The following TUT4 variants were observed in gnomAD, a reference collection of about 807,000 sequenced individuals.
The protein encoded by TUT4 is terminal uridylyl transferase 4.
A neutral mutation model predicts 192.2 loss-of-function variants in TUT4; 36 were observed. That is an observed-to-expected ratio of 0.19 (90% CI 0.14 to 0.25). TUT4 has a LOEUF of 0.25. Ranked by LOEUF, TUT4 falls within the 10% of genes least tolerant of loss-of-function variation. The probability of loss-of-function intolerance (pLI) is 1.00; values close to 1 mark genes in which losing one functional copy is unlikely to be tolerated. For synonymous variants in TUT4, 618 were observed against 666.0 expected, an observed-to-expected ratio of 0.93 and a Z score of 1.11; for missense variants, 1,493 against 1,957.2, an observed-to-expected ratio of 0.76 and a Z score of 4.47.
At chr1:52,453,116 G>T (rs575072722) in intron 20 of TUT4, among the ~76,000 whole-genome samples, 2 of 152,244 alleles carry the variant, frequency 1.3e-5, no homozygotes, top group East Asian at 3.9e-4. Context: ...TGGGCGTGGG[G>T]GCTCAGGCCT....
At chr1:52,499,669 G>C (rs1480658402) in intron 4 of TUT4, among the ~76,000 whole-genome samples, 1 of 152,108 alleles carries the variant, frequency 6.6e-6, no homozygotes, top group African/African-American at 2.4e-5. Context: ...CGGAGGTGGA[G>C]GTTGCAGTGA....
intron 4 of TUT4, 100 bp downstream of exon 4, chr1:52,509,496 A>C (rs1250721657): frequency 2.6e-6 from 2 of 760,064 alleles, no homozygotes; most frequent in African/African-American, 3.6e-5. Context: ...CCAATATAAG[A>C]TTGGACAAAT....
intron 16 of TUT4, chr1:52,463,018 T>C (rs970287445): frequency 8.1e-6 from 8 of 985,070 alleles, no homozygotes; most frequent in East Asian, 1.1e-4. Context: ...AATTCACATA[T>C]GATAAAATTA....
chr1:52,454,207 T>C (rs912887042), intron 20 of TUT4, among the ~76,000 whole-genome samples: 1 of 152,166 alleles, frequency 6.6e-6, no homozygotes, highest in African/African-American at 2.4e-5. Flanking sequence ...AGTCATTTTG[T>C]GGATATAGAC....
chr1:52,477,604 A>G, intron 12 of TUT4, 104 bp downstream of exon 12: 2 of 1,051,964 alleles, frequency 1.9e-6, no homozygotes, highest in South Asian at 3.7e-5. Flanking sequence ...ATCTAGTGAC[A>G]TATATATATA....
rs761357825 is a variant in TUT4 at position 52,515,933 on chromosome 1, T to C, written c.840A>G (p.Ala280=). The C allele has an allele frequency of 6.2e-7, 1 of 1,613,672 alleles. No individual in the cohort carries two copies. The highest frequency in any genetic ancestry group is 8.5e-7 in the Non-Finnish European group (1 of 1,179,904). The part of the protein sequence containing the change: ...TPEQRLGLKQ[A]EERLERDHIF... ...TGTGATCTCTTTCTAAGCGTTCTTCTGCTTGTTTCAACCCCAGCCTCTGCT... is the reference window on the plus strand; with the variant it reads ...TGTGATCTCTTTCTAAGCGTTCTTCCGCTTGTTTCAACCCCAGCCTCTGCT... The change falls in exon 3 of 30, where the codon GCA becomes GCG. Residue 280 remains alanine, a synonymous_variant. Transcript: ENST00000257177.
intron 3 of TUT4, among the ~76,000 whole-genome samples, chr1:52,514,007 A>G (rs549941413): frequency 1.3e-5 from 2 of 152,346 alleles, no homozygotes; most frequent in Admixed American, 6.5e-5. Flanking sequence ...TTATTTTACC[A>G]GGTAGGTCAA....
chr1:52,537,617 A>G (rs1558002173), intron 1 of TUT4, among the ~76,000 whole-genome samples: 2 of 152,188 alleles, frequency 1.3e-5, no homozygotes, highest in Non-Finnish European at 2.9e-5. Flanking sequence ...GTAACACTAT[A>G]AACTAATTTG....
At chr1:52,500,485 A>G (rs12040247) in intron 4 of TUT4, among the ~76,000 whole-genome samples, 52,678 of 152,022 alleles carry the variant, frequency 0.35, 12,526 homozygotes, top group African/African-American at 0.69. Flanking sequence ...AAATTAGGCC[A>G]GGCACGGTGG....
chr1:52,501,085 A>G (rs1169008689), intron 4 of TUT4, among the ~76,000 whole-genome samples: 2 of 152,256 alleles, frequency 1.3e-5, no homozygotes, highest in African/African-American at 4.8e-5. Context: ...GACATAGGCA[A>G]CAAAAGTAAA....
At chr1:52,487,463 GT>G (rs1431004995) in intron 9 of TUT4, among the ~76,000 whole-genome samples, 1 of 151,510 alleles carries the variant, frequency 6.6e-6, no homozygotes, top group East Asian at 1.9e-4. Flanking sequence ...AAAAAACTTA[GT>G]AAAAAAAACC....
chr1:52,522,700 C>T (rs987606634), intron 2 of TUT4, among the ~76,000 whole-genome samples: 1 of 151,880 alleles, frequency 6.6e-6, no homozygotes, highest in Non-Finnish European at 1.5e-5. Context: ...CTGAGGCAGG[C>T]GGATCACCTG....
rs114676946 is a variant in TUT4 at position 52,476,791 on chromosome 1, T to C, written c.2023+917A>G. The stretch of plus-strand genomic sequence containing the variant: ...GAATATTTCTGGGTTGAACTCACAG[T>C]AGAGAAGGCCAGCAGGTGTGAGGGA... On this transcript the variant is annotated intron_variant, in intron 12 of 29. Coordinates refer to ENST00000257177, the MANE Select transcript of TUT4 (RefSeq NM_001009881.3). 7.4e-3 allele frequency among the ~76,000 whole-genome samples: 1,122 copies of C among 152,320 alleles called. 16 individuals carry two copies. Among genetic ancestry groups the C allele is most frequent in the African/African-American group, 0.026 (1,081 of 41,564 alleles).
intron 2 of TUT4, among the ~76,000 whole-genome samples, chr1:52,520,912 C>T (rs1363284097): frequency 6.6e-6 from 1 of 152,040 alleles, no homozygotes; most frequent in African/African-American, 2.4e-5. Flanking sequence ...CCTGCCTCAG[C>T]CTCCCGAGTA....
intron 1 of TUT4, among the ~76,000 whole-genome samples, chr1:52,543,676 G>A (rs1347276312): frequency 6.6e-6 from 1 of 151,724 alleles, no homozygotes; most frequent in African/African-American, 2.4e-5. Flanking sequence ...TAGGGACAGG[G>A]TTTCACCATG....
At chr1:52,495,318 C>T (rs924252139) in intron 6 of TUT4, 109 bp downstream of exon 6, 6 of 594,986 alleles carry the variant, frequency 1.0e-5, no homozygotes, top group Non-Finnish European at 1.7e-5. Flanking sequence ...GATGGTAACA[C>T]TATACAAACC....
At chr1:52,499,961 T>C (rs1388585000) in intron 4 of TUT4, among the ~76,000 whole-genome samples, 12 of 147,506 alleles carry the variant, frequency 8.1e-5, no homozygotes, top group East Asian at 5.9e-4. Context: ...CACACACACA[T>C]ATATATATAA....
chr1:52,520,492 T>C (rs1313819913), intron 2 of TUT4, among the ~76,000 whole-genome samples: 1 of 152,194 alleles, frequency 6.6e-6, no homozygotes, highest in Non-Finnish European at 1.5e-5. Flanking sequence ...TTATCAGGCC[T>C]TATCCTAGGC....
At chr1:52,494,845 T>C (rs1672069040) in intron 6 of TUT4, among the ~76,000 whole-genome samples, 1 of 152,110 alleles carries the variant, frequency 6.6e-6, no homozygotes, top group Non-Finnish European at 1.5e-5. Context: ...TTTTAAAAGA[T>C]TGATATGTCA....
Sources: gnomAD v4.1 joint callset for allele counts (sites outside exome capture counted in the v4.1 genomes callset) on GRCh38, gnomAD v4.1.1 for gene constraint, MANE v1.5 for transcripts, NCBI Gene and HGNC (gene_info 2026-07-23, HGNC 2026-07-21) for gene names.